The following STIM2 variants were observed in gnomAD, a reference collection of about 807,000 sequenced individuals.
The protein encoded by STIM2 is stromal interaction molecule 2.
Under a neutral mutation model 85.8 loss-of-function variants are expected in STIM2, and 31 were observed. The observed-to-expected ratio is 0.36, with a 90% CI of 0.27 to 0.49. The LOEUF is 0.49. Ranked by LOEUF, STIM2 falls within the 20% of genes least tolerant of loss-of-function variation. The pLI is 0.98. For synonymous variants in STIM2, 356 were observed against 331.1 expected (o/e 1.08, Z -0.82); for missense variants, 841 against 927.6 (o/e 0.91, Z 1.21).
intron 3 of STIM2, among the ~76,000 whole-genome samples, chr4:26,991,585 A>C (rs1242166540): frequency 6.6e-6 from 1 of 152,182 alleles, no homozygotes; most frequent in East Asian, 1.9e-4. Context: ...AATGGTTCCA[A>C]CATGGAGAAA....
intron 3 of STIM2, among the ~76,000 whole-genome samples, chr4:26,958,545 C>T (rs1726332244): frequency 6.6e-6 from 1 of 152,114 alleles, no homozygotes; most frequent in Non-Finnish European, 1.5e-5. Context: ...ATAAATAAAA[C>T]TGTCCCACCA....
chr4:27,015,448 T>G (rs574826531), intron 10 of STIM2, among the ~76,000 whole-genome samples: 2 of 152,176 alleles, frequency 1.3e-5, no homozygotes, highest in African/African-American at 4.8e-5. Flanking sequence ...CATTTCTTTT[T>G]TTTCTTTCTT....
chr4:26,885,964 C>G (rs1723232584), intron 1 of STIM2, among the ~76,000 whole-genome samples: 1 of 149,202 alleles, frequency 6.7e-6, no homozygotes, highest in Non-Finnish European at 1.5e-5. Flanking sequence ...ACATATAAAC[C>G]TTATTTTAAA....
At chr4:26,981,627 T>C (rs1396003342) in intron 3 of STIM2, among the ~76,000 whole-genome samples, 1 of 152,190 alleles carries the variant, frequency 6.6e-6, no homozygotes, top group Non-Finnish European at 1.5e-5. Context: ...GGTGATGCAT[T>C]GTACCCGGTT....
chr4:26,884,427 A>G (rs1218431508), intron 1 of STIM2, among the ~76,000 whole-genome samples: 1 of 152,216 alleles, frequency 6.6e-6, no homozygotes, highest in African/African-American at 2.4e-5. Context: ...GTTTCCTTCT[A>G]TGATGATGCT....
At chr4:26,947,373 G>A (rs28454570) in intron 2 of STIM2, among the ~76,000 whole-genome samples, 92,738 of 152,082 alleles carry the variant, frequency 0.61, 29,506 homozygotes, top group African/African-American at 0.81. Context: ...ATATCGAAAC[G>A]TATTACATTT....
At position 26,957,710 on chromosome 4, in the gene STIM2, A is replaced by G; in HGVS notation, c.381A>G (p.Arg127=). 1 of 1,599,380 alleles carries G rather than the reference A, an allele frequency of 6.3e-7. No homozygotes were observed. Among genetic ancestry groups the G allele is most frequent in the Non-Finnish European group, 8.5e-7 (1 of 1,174,166 alleles). The stretch of plus-strand genomic sequence containing the variant: ...TAACGATTGAGGATTTATGGAAACG[A>G]TGGAAAACATCAGAAGGTAAGACTG... The change falls in exon 3 of 12, where the codon CGA becomes CGG. Residue 127 remains arginine, a synonymous_variant. Coordinates refer to ENST00000467087, the MANE Select transcript of STIM2 (RefSeq NM_020860.4).
intron 11 of STIM2, chr4:27,019,591 A>G: frequency 2.2e-6 from 2 of 917,314 alleles, no homozygotes; most frequent in Non-Finnish European, 3.0e-6. Flanking sequence ...AATGATTTGA[A>G]TTTGGAAAAC....
intron 1 of STIM2, among the ~76,000 whole-genome samples, chr4:26,869,064 A>G (rs1722510649): frequency 6.6e-6 from 1 of 152,086 alleles, no homozygotes; most frequent in Non-Finnish European, 1.5e-5. Context: ...CGAGGCCAAG[A>G]TGGGCAGATC....
At chr4:26,950,531 A>G (rs1726009190) in intron 2 of STIM2, among the ~76,000 whole-genome samples, 2 of 152,112 alleles carry the variant, frequency 1.3e-5, no homozygotes, top group African/African-American at 4.8e-5. Flanking sequence ...GTGCCACAAT[A>G]AAAAGGGCCT....
chr4:26,977,091 G>T (rs1050173394), intron 3 of STIM2, among the ~76,000 whole-genome samples: 1 of 152,206 alleles, frequency 6.6e-6, no homozygotes, highest in Non-Finnish European at 1.5e-5. Flanking sequence ...AGTCCCCCAA[G>T]AAGAGGTTTT....
intron 1 of STIM2, among the ~76,000 whole-genome samples, chr4:26,904,285 A>C (rs747176859): frequency 6.6e-6 from 1 of 152,094 alleles, no homozygotes. Context: ...TAATTGACAG[A>C]CAATAAATGA....
At chr4:26,954,278 A>ATTT (rs1560218503) in intron 2 of STIM2, among the ~76,000 whole-genome samples, 2 of 152,174 alleles carry the variant, frequency 1.3e-5, no homozygotes, top group Non-Finnish European at 2.9e-5. Context: ...AGTTTATTTA[A>ATTT]AAGAATCGTC....
chr4:26,873,710 G>A, intron 1 of STIM2: 2 of 844,878 alleles, frequency 2.4e-6, no homozygotes, highest in Admixed American at 1.8e-5. Context: ...TCTTGGGACA[G>A]CTTCTGGAGA....
At chr4:26,914,212 A>G (rs188612038) in intron 1 of STIM2, among the ~76,000 whole-genome samples, 374 of 152,372 alleles carry the variant, frequency 2.5e-3, no homozygotes, top group African/African-American at 8.5e-3. Context: ...TTATCTAATT[A>G]AGTGGGAATA....
At chr4:26,892,528 TG>T (rs964635430) in intron 1 of STIM2, among the ~76,000 whole-genome samples, 27 of 151,782 alleles carry the variant, frequency 1.8e-4, no homozygotes, top group Non-Finnish European at 2.9e-4. Context: ...TGAATTTTTT[TG>T]GGGGGGGACG....
chr4:26,867,349 A>T (rs1177045577), intron 1 of STIM2, among the ~76,000 whole-genome samples: 2 of 152,186 alleles, frequency 1.3e-5, no homozygotes, highest in Admixed American at 6.5e-5. Context: ...ATTAGTTTTT[A>T]AAAAAATATA....
At chr4:26,897,227 TC>T (rs1723740909) in intron 1 of STIM2, among the ~76,000 whole-genome samples, 1 of 152,218 alleles carries the variant, frequency 6.6e-6, no homozygotes, top group Non-Finnish European at 1.5e-5. Context: ...AGTGGCAGTA[TC>T]ATTTTACATT....
intron 2 of STIM2, among the ~76,000 whole-genome samples, chr4:26,919,931 C>T (rs891517766): frequency 1.3e-5 from 2 of 152,104 alleles, no homozygotes; most frequent in Admixed American, 6.6e-5. Flanking sequence ...GCTTTACAAA[C>T]CACTCCAAAT....
Sources: gnomAD v4.1 joint callset for allele counts (sites outside exome capture counted in the v4.1 genomes callset) on GRCh38, gnomAD v4.1.1 for gene constraint, MANE v1.5 for transcripts, NCBI Gene and HGNC (gene_info 2026-07-23, HGNC 2026-07-21) for gene names.